ARSG: variants seen among roughly 807,000 people sequenced by gnomAD.
ARSG encodes ASG.
Under a neutral mutation model 50.5 loss-of-function variants are expected in ARSG, and 37 were observed. The observed-to-expected ratio is 0.73, with a 90% CI of 0.56 to 0.96. ARSG has a LOEUF of 0.96. Among genes scored for constraint, ARSG ranks in the 50% least tolerant of loss-of-function variants. The pLI is 0.00. For missense variants in ARSG, 629 were observed against 675.3 expected, an observed-to-expected ratio of 0.93 and a Z score of 0.76; for synonymous variants, 225 against 254.6, an observed-to-expected ratio of 0.88 and a Z score of 1.11.
At chr17:68,421,982 G>C, downstream of ARSG, 5 of 753,976 alleles carry the variant, frequency 6.6e-6, no homozygotes, top group Non-Finnish European at 1.1e-5. Context: ...TGGTCACCCA[G>C]CTTATTTAGG....
Position 68,399,576 on chromosome 17 carries a change from CA to C in ARSG, c.1213-1781del, listed in dbSNP as rs1219211527. Reference sequence around the variant, plus strand: ...ACAAGAAAGCCATAATGGGTCTTCTCAAACAAACAAAAAAAATGCATAGACA... The same window carrying C: ...ACAAGAAAGCCATAATGGGTCTTCTCAACAAACAAAAAAAATGCATAGACA... On this transcript the variant is annotated intron_variant, in intron 10 of 11. Transcript: ENST00000621439. The surrounding 1 kb of genome is among the most constrained non-coding windows in gnomAD (Gnocchi z 4.6). Among the ~76,000 whole-genome samples the C allele has an allele frequency of 6.6e-6, 1 of 152,160 alleles. No homozygotes were observed.
At chr17:68,259,175 T>C (rs1277548202), upstream of ARSG, 3 of 152,246 alleles carry the variant, frequency 2.0e-5, no homozygotes, top group Non-Finnish European at 4.4e-5. Flanking sequence ...AACGCGTCGC[T>C]GTCCCCGGCT....
intron 8 of ARSG, among the ~76,000 whole-genome samples, chr17:68,372,500 A>C (rs967001696): frequency 6.6e-6 from 1 of 152,174 alleles, no homozygotes; most frequent in Non-Finnish European, 1.5e-5. Flanking sequence ...TATGTCCTAC[A>C]TGTTTGGAGC....
chr17:68,361,109 GCTA>G, intron 6 of ARSG, among the ~76,000 whole-genome samples: 1 of 152,294 alleles, frequency 6.6e-6, no homozygotes, highest in South Asian at 2.1e-4. Context: ...ACGGGTGTGA[GCTA>G]CCGTGCCCGG....
At chr17:68,423,550 C>A (rs531865858), downstream of ARSG, among the ~76,000 whole-genome samples, 8 of 152,322 alleles carry the variant, frequency 5.3e-5, no homozygotes, top group South Asian at 1.5e-3. The surrounding 1 kb of genome is among the most constrained non-coding windows in gnomAD (Gnocchi z 4.4). Context: ...ACCACTCTCA[C>A]TGGCAGGAAG....
intron 1 of ARSG, among the ~76,000 whole-genome samples, chr17:68,260,154 A>C (rs1286275467): frequency 6.6e-6 from 1 of 152,216 alleles, no homozygotes; most frequent in Non-Finnish European, 1.5e-5. Context: ...AGCATTAATA[A>C]TGTGGAGATT....
At chr17:68,430,852 A>G in the ARSG span, among the ~76,000 whole-genome samples, 1 of 152,226 alleles carries the variant, frequency 6.6e-6, no homozygotes, top group Non-Finnish European at 1.5e-5. Context: ...TCCCAGGAGC[A>G]GGCAACTGCT....
chr17:68,360,327 C>T (rs1328917109), intron 6 of ARSG, among the ~76,000 whole-genome samples: 1 of 152,210 alleles, frequency 6.6e-6, no homozygotes, highest in African/African-American at 2.4e-5. Flanking sequence ...AAAAGGCCCT[C>T]AGGTCCATGC....
chr17:68,356,855 G>T, intron 6 of ARSG, 51 bp downstream of exon 6: 1 of 1,610,922 alleles, frequency 6.2e-7, no homozygotes, highest in South Asian at 1.1e-5. Context: ...CCACCTACCC[G>T]TGCACACACA....
At chr17:68,369,883 G>C (rs572070264) in intron 7 of ARSG, among the ~76,000 whole-genome samples, 10 of 152,316 alleles carry the variant, frequency 6.6e-5, no homozygotes, top group Admixed American at 2.6e-4. Context: ...GAAAGGCAAG[G>C]AAGGCAAGAG....
the ARSG span, among the ~76,000 whole-genome samples, chr17:68,446,630 C>T: frequency 6.6e-6 from 1 of 152,190 alleles, no homozygotes; most frequent in African/African-American, 2.4e-5. Context: ...GTGCCTTTTG[C>T]CAGCACATGC....
the ARSG span, among the ~76,000 whole-genome samples, chr17:68,442,551 G>A: frequency 1.3e-5 from 2 of 151,916 alleles, no homozygotes; most frequent in African/African-American, 4.8e-5. Flanking sequence ...GGGGTCAAGT[G>A]TGCAACAGGT....
At chr17:68,426,253 G>C, downstream of ARSG, 1 of 841,018 alleles carries the variant, frequency 1.2e-6, no homozygotes, top group South Asian at 1.3e-5. Context: ...GGGGAGCGGG[G>C]GCTCAAATAA....
At chr17:68,371,096 G>A (rs1301425862) in intron 8 of ARSG, among the ~76,000 whole-genome samples, 1 of 152,058 alleles carries the variant, frequency 6.6e-6, no homozygotes, top group Non-Finnish European at 1.5e-5. Flanking sequence ...CCAGGCCGGC[G>A]GATCACGAGG....
intron 10 of ARSG, among the ~76,000 whole-genome samples, chr17:68,395,406 G>A (rs1185470515): frequency 6.6e-6 from 1 of 152,224 alleles, no homozygotes; most frequent in African/African-American, 2.4e-5. Flanking sequence ...TGACCAAGAT[G>A]GTGAAACCTC....
chr17:68,369,592 G>A (rs892563629), intron 7 of ARSG, among the ~76,000 whole-genome samples: 11 of 151,546 alleles, frequency 7.3e-5, no homozygotes, highest in South Asian at 6.2e-4. Flanking sequence ...ACTCTCTACC[G>A]TGCAGTGAAG....
upstream of ARSG, chr17:68,291,331 G>C (rs1344589327): frequency 7.5e-6 from 1 of 133,966 alleles, no homozygotes; most frequent in African/African-American, 2.9e-5. Context: ...CCTGCGACCC[G>C]GGCCGTGCGT....
At chr17:68,403,316 C>G (rs1477312329) in intron 11 of ARSG, among the ~76,000 whole-genome samples, 2 of 152,288 alleles carry the variant, frequency 1.3e-5, no homozygotes, top group Middle Eastern at 3.4e-3. Context: ...AGACATGTTA[C>G]TATGAAGTAA....
chr17:68,420,985 T>C (rs1029344380), downstream of ARSG: 4 of 155,530 alleles, frequency 2.6e-5, no homozygotes, highest in Non-Finnish European at 5.7e-5. Flanking sequence ...TCTCCATCTT[T>C]AATATGCAAA....
Sources: gnomAD v4.1 joint callset for allele counts (sites outside exome capture counted in the v4.1 genomes callset) on GRCh38, gnomAD v4.1.1 for gene constraint, Gnocchi (gnomAD v3.1) non-coding constraint, MANE v1.5 for transcripts, NCBI Gene and HGNC (gene_info 2026-07-23, HGNC 2026-07-21) for gene names.